PPHLN1: variants seen among roughly 807,000 people sequenced by gnomAD.
The protein encoded by PPHLN1 is periphilin-1.
Under a neutral mutation model 51.3 loss-of-function variants are expected in PPHLN1, and 29 were observed. That is an observed-to-expected ratio of 0.57 (90% CI 0.42 to 0.77). The LOEUF is 0.77. Among genes scored for constraint, PPHLN1 ranks in the 30% least tolerant of loss-of-function variants. The pLI is 0.00. For missense variants in PPHLN1, 436 were observed against 438.4 expected (o/e 0.99, Z 0.05); for synonymous variants, 147 against 147.8 (o/e 0.99, Z 0.04).
chr12:42,424,341 G>A (rs2081248056), intron 9 of PPHLN1, among the ~76,000 whole-genome samples: 1 of 152,142 alleles, frequency 6.6e-6, no homozygotes, highest in African/African-American at 2.4e-5. Context: ...TTTAGAACCT[G>A]GAACTGGAAG....
In PPHLN1 at chr12:42,374,918, G is replaced by C. The variant is rs761560573; in HGVS notation, c.355G>C (p.Glu119Gln). The C allele has an allele frequency of 1.9e-6, 3 of 1,613,434 alleles. No homozygotes were observed. Among genetic ancestry groups the C allele is most frequent in the African/African-American group, 1.3e-5 (1 of 74,706 alleles). ...TTTCTACTCTTCCCATTATGCGAGAGAGCGGTCTCCTTATAAAAGGGACAA... is the reference window on the plus strand; with the variant it reads ...TTTCTACTCTTCCCATTATGCGAGACAGCGGTCTCCTTATAAAAGGGACAA... ...KSFYSSHYAR[E>Q]RSPYKRDNTF... Residue 119 changes from glutamate to glutamine, a missense_variant, in exon 5 of 10, where the codon GAG becomes CAG. Physicochemically the swap from Glu to Gln is conservative, Grantham distance 29. Coordinates refer to ENST00000358314, the MANE Select transcript of PPHLN1 (RefSeq NM_201439.2).
Position 42,432,283 on chromosome 12 carries a change from A to AC in PPHLN1, c.910-9031dup. ...GGCCCTGACAACCTCTGCCTCTTCC[A>AC]CTATGAGACCTAGAACCAATCTGTT... is the stretch of plus-strand genomic sequence containing the variant. On this transcript the variant is annotated intron_variant, in intron 9 of 9. Transcript: ENST00000358314. 3 of 759,418 alleles carry AC rather than the reference A, an allele frequency of 4.0e-6. No individual in the cohort carries two copies. In the Admixed American group the frequency reaches 5.2e-5, roughly 13 times the overall value. 47.0% of individuals were successfully genotyped at this position (759,418 alleles called of 1,614,324 possible). A position where few individuals can be genotyped will look rare whatever the true frequency, so the allele number is the denominator to read the frequency against.
chr12:42,397,991 G>A lies in PPHLN1; in HGVS notation c.769-863G>A, dbSNP rs2078424290. 7.3e-5 allele frequency among the ~76,000 whole-genome samples: 11 copies of A among 149,814 alleles called. No individual in the cohort carries two copies. In the South Asian group the frequency reaches 2.3e-3, roughly 32 times the overall value. On this transcript the variant is annotated intron_variant, in intron 8 of 9. Transcript: ENST00000358314. ...CCTGCCTCGGGTTTTTTTTTTTTTG[G>A]TAGATCATACATGTATGTGTCAGAA...
chr12:42,409,168 T>C (rs1322935042), intron 9 of PPHLN1, among the ~76,000 whole-genome samples: 1 of 152,180 alleles, frequency 6.6e-6, no homozygotes, highest in African/African-American at 2.4e-5. Context: ...ACTGGAACTA[T>C]GGAAAGCAAA....
At chr12:42,390,690 T>C (rs1324237245) in intron 7 of PPHLN1, among the ~76,000 whole-genome samples, 1 of 151,080 alleles carries the variant, frequency 6.6e-6, no homozygotes, top group Admixed American at 6.6e-5. Flanking sequence ...TTTTTTAAGC[T>C]CATCAGCTAT....
intron 1 of PPHLN1, among the ~76,000 whole-genome samples, chr12:42,329,451 C>G (rs1365473903): frequency 6.6e-6 from 1 of 152,146 alleles, no homozygotes; most frequent in African/African-American, 2.4e-5. Flanking sequence ...TATTAATTCA[C>G]TCTGAATACT....
intron 9 of PPHLN1, among the ~76,000 whole-genome samples, chr12:42,420,704 CCT>C (rs200397432): frequency 2.4e-4 from 26 of 110,304 alleles, no homozygotes; most frequent in African/African-American, 2.3e-4. Context: ...CCCCTCCCTC[CCT>C]CTCTCTCTCT....
chr12:42,358,548 A>G (rs1035825744), intron 4 of PPHLN1, among the ~76,000 whole-genome samples: 6 of 152,038 alleles, frequency 3.9e-5, no homozygotes, highest in African/African-American at 1.2e-4. Flanking sequence ...GTGCCACCAC[A>G]CCCATCTATT....
chr12:42,431,777 A>C, intron 9 of PPHLN1: 1 of 1,051,048 alleles, frequency 9.5e-7, no homozygotes, highest in Non-Finnish European at 1.5e-6. Context: ...TGCCAGAAGC[A>C]CTAGTCGGGC....
At chr12:42,364,298 G>A (rs137972070) in intron 4 of PPHLN1, among the ~76,000 whole-genome samples, 1 of 151,776 alleles carries the variant, frequency 6.6e-6, no homozygotes, top group Admixed American at 6.6e-5. Flanking sequence ...GAAAAATATG[G>A]AACAAGAGTG....
At chr12:42,419,772 G>C (rs997616350) in intron 9 of PPHLN1, among the ~76,000 whole-genome samples, 1 of 152,096 alleles carries the variant, frequency 6.6e-6, no homozygotes, top group Non-Finnish European at 1.5e-5. Context: ...GATATGAGTG[G>C]CTAATTTCCC....
chr12:42,431,503 T>C (rs1265139899), intron 9 of PPHLN1, among the ~76,000 whole-genome samples: 2 of 152,208 alleles, frequency 1.3e-5, no homozygotes, highest in Non-Finnish European at 2.9e-5. Flanking sequence ...AAAGTATGTT[T>C]AACATATGAT....
intron 9 of PPHLN1, among the ~76,000 whole-genome samples, chr12:42,413,727 A>G (rs568752051): frequency 1.3e-5 from 2 of 151,056 alleles, no homozygotes; most frequent in East Asian, 2.0e-4. Flanking sequence ...ACACCCAGCT[A>G]ATTTTTGTAT....
At chr12:42,446,535 A>T (rs1270443840), downstream of PPHLN1, 3 of 1,586,630 alleles carry the variant, frequency 1.9e-6, no homozygotes, top group African/African-American at 4.1e-5. Flanking sequence ...CTTCTTAGTT[A>T]GAAAAGAATA....
At chr12:42,421,311 A>G (rs1236287570) in intron 9 of PPHLN1, among the ~76,000 whole-genome samples, 2 of 152,158 alleles carry the variant, frequency 1.3e-5, no homozygotes, top group African/African-American at 4.8e-5. Context: ...AAATTGATCC[A>G]GAAAGACTCT....
At chr12:42,411,112 T>C (rs536619547) in intron 9 of PPHLN1, among the ~76,000 whole-genome samples, 1 of 152,128 alleles carries the variant, frequency 6.6e-6, no homozygotes, top group East Asian at 1.9e-4. Context: ...TGTCCTCCAG[T>C]TGAAATTAGG....
rs528003463 is a variant in PPHLN1, at chr12:42,384,970, G to T, written c.542G>T (p.Arg181Leu). 1 of 1,612,350 alleles carries T rather than the reference G, an allele frequency of 6.2e-7. No individual in the cohort carries two copies. The highest frequency in any genetic ancestry group is 1.3e-5 in the African/African-American group (1 of 75,010). ...KSVRPGASYK[R>L]QNEGNPERDK... ...GTGCGTCCTGGTGCCTCCTACAAAC[G>T]GCAGAATGAAGGAAATCCTGAAAGA... is the stretch of plus-strand genomic sequence containing the variant. Residue 181 changes from arginine (R) to leucine (L), a missense_variant, in exon 6 of 10, where the codon CGG (arginine) becomes CTG (leucine). Physicochemically the swap from Arg to Leu is moderately radical, Grantham distance 102 (BLOSUM62 -2). Coordinates refer to ENST00000358314, the MANE Select transcript of PPHLN1 (RefSeq NM_201439.2).
chr12:42,422,971 A>G (rs2081130545), intron 9 of PPHLN1, among the ~76,000 whole-genome samples: 1 of 152,194 alleles, frequency 6.6e-6, no homozygotes, highest in Admixed American at 6.5e-5. Flanking sequence ...AACACCCGGT[A>G]TTTACCTTGA....
At position 42,433,012 on chromosome 12, in the gene PPHLN1, C is replaced by G. The variant is rs1050687940; in HGVS notation, c.910-8303C>G. ...CTTTATGTGCATTTTCATTAGCACA[C>G]GCCTCTCTCATATCCTCAGGAAAAT... On this transcript the variant is annotated intron_variant, in intron 9 of 9. Transcript: ENST00000358314. The G allele has an allele frequency of 4.1e-6, 5 of 1,230,282 alleles. No individual in the cohort carries two copies. The East Asian group carries it at 1.2e-4, about 29-fold the overall frequency. 76.2% of individuals were successfully genotyped at this position (1,230,282 alleles called of 1,614,324 possible).
Sources: gnomAD v4.1 joint callset for allele counts (sites outside exome capture counted in the v4.1 genomes callset) on GRCh38, gnomAD v4.1.1 for gene constraint, MANE v1.5 for transcripts, NCBI Gene and HGNC (gene_info 2026-07-23, HGNC 2026-07-21) for gene names.